ARHGAP32: variants seen among roughly 807,000 people sequenced by gnomAD.
The protein encoded by ARHGAP32 is Rho GTPase activating protein 32.
Under a neutral mutation model 186.5 loss-of-function variants are expected in ARHGAP32, and 51 were observed. The observed-to-expected ratio is 0.27, with a 90% CI of 0.22 to 0.35. ARHGAP32 has a LOEUF of 0.35. ARHGAP32 is among the 10% of genes least tolerant of loss of function. The pLI is 1.00. For missense variants in ARHGAP32, 2,186 were observed against 2,623.5 expected (o/e 0.83, Z 3.64); for synonymous variants, 950 against 964.3 (o/e 0.99, Z 0.27).
At chr11:129,201,124 A>C (rs1483923573) in intron 1 of ARHGAP32, among the ~76,000 whole-genome samples, 2 of 152,184 alleles carry the variant, frequency 1.3e-5, no homozygotes, top group African/African-American at 4.8e-5. Flanking sequence ...TCAGATCATA[A>C]GACAATTCAA....
intron 2 of ARHGAP32, among the ~76,000 whole-genome samples, chr11:129,133,742 C>T (rs1443761066): frequency 2.0e-5 from 3 of 152,100 alleles, no homozygotes; most frequent in Non-Finnish European, 2.9e-5. Context: ...AGTAGATAGG[C>T]TCTAAAAGAA....
intron 1 of ARHGAP32, among the ~76,000 whole-genome samples, chr11:129,268,994 G>A (rs1383395543): frequency 6.6e-6 from 1 of 152,164 alleles, no homozygotes; most frequent in Non-Finnish European, 1.5e-5. Flanking sequence ...CACATGGCCG[G>A]GCACAGTGGC....
At chr11:129,251,752 C>T (rs930054151) in intron 1 of ARHGAP32, among the ~76,000 whole-genome samples, 3 of 145,058 alleles carry the variant, frequency 2.1e-5, no homozygotes, top group African/African-American at 7.7e-5. Context: ...GGTGAAACCC[C>T]GACTCTATTA....
chr11:129,078,644 C>A (rs1941122233), intron 6 of ARHGAP32, among the ~76,000 whole-genome samples: 1 of 152,084 alleles, frequency 6.6e-6, no homozygotes, highest in Non-Finnish European at 1.5e-5. Flanking sequence ...AGGCATACAC[C>A]ACCACGCGTG....
intron 5 of ARHGAP32, among the ~76,000 whole-genome samples, chr11:129,117,350 G>C (rs1373779423): frequency 1.3e-5 from 2 of 152,046 alleles, no homozygotes; most frequent in African/African-American, 4.8e-5. Flanking sequence ...GCCTGGCTCA[G>C]ACAAAACATT....
In ARHGAP32 at chr11:128,969,386, C is replaced by A. The variant is rs1298288482; in HGVS notation, c.5827G>T (p.Ala1943Ser). Residue 1943 changes from alanine (A) to serine (S), a missense_variant, in exon 23 of 23, where the codon GCA becomes TCA. Ala to Ser is a moderately conservative substitution (Grantham distance 99). Around this residue, in one of 5 missense-constraint regions of ARHGAP32, gnomAD observed 1,502 missense variants for 1,570.0 expected, o/e 0.96. Transcript: ENST00000682385. The surrounding 1 kb of genome is among the most constrained non-coding windows in gnomAD (Gnocchi z 4.8). ...SYHNSGVKYA[A>S]SGQESLRLNH... The stretch of plus-strand genomic sequence containing the variant: ...AGTCTTAAAGATTCTTGCCCGGATG[C>A]AGCATATTTTACTCCAGAGTTGTGG... The A allele has an allele frequency of 1.2e-6, 2 of 1,614,200 alleles. No individual in the cohort carries two copies. Among genetic ancestry groups the A allele is most frequent in the Admixed American group, 3.3e-5 (2 of 60,028 alleles).
intron 1 of ARHGAP32, among the ~76,000 whole-genome samples, chr11:129,269,815 A>C (rs1362211683): frequency 6.6e-6 from 1 of 152,348 alleles, no homozygotes. Flanking sequence ...AAACAATGTC[A>C]TATACCACAC....
intron 1 of ARHGAP32, among the ~76,000 whole-genome samples, chr11:129,199,925 G>A (rs1591693063): frequency 6.6e-6 from 1 of 152,232 alleles, no homozygotes; most frequent in African/African-American, 2.4e-5. Context: ...CCAAGACCAT[G>A]GGAACCGACC....
intron 6 of ARHGAP32, among the ~76,000 whole-genome samples, chr11:129,071,949 A>G (rs1940882518): frequency 6.6e-6 from 1 of 152,196 alleles, no homozygotes; most frequent in Non-Finnish European, 1.5e-5. Flanking sequence ...CAATAAAATA[A>G]GCCTGGCAAA....
At chr11:129,255,115 A>G (rs1387751552) in intron 1 of ARHGAP32, among the ~76,000 whole-genome samples, 1 of 152,168 alleles carries the variant, frequency 6.6e-6, no homozygotes, top group African/African-American at 2.4e-5. Context: ...AGCTGGATAC[A>G]TTAAAACTAA....
intron 20 of ARHGAP32, among the ~76,000 whole-genome samples, chr11:128,975,513 A>G (rs192378831): frequency 9.5e-4 from 145 of 152,318 alleles, no homozygotes; most frequent in African/African-American, 3.4e-3. Flanking sequence ...ATAATCCCAT[A>G]AAGTATTTAC....
At chr11:129,017,967 T>A (rs887448794) in intron 11 of ARHGAP32, among the ~76,000 whole-genome samples, 1 of 152,190 alleles carries the variant, frequency 6.6e-6, no homozygotes, top group Non-Finnish European at 1.5e-5. Flanking sequence ...TGTTTAAGTT[T>A]TGAATGAGGT....
intron 15 of ARHGAP32, among the ~76,000 whole-genome samples, chr11:128,982,948 C>T (rs1945753185): frequency 7.0e-6 from 1 of 143,542 alleles, no homozygotes. Flanking sequence ...AAATATAAGG[C>T]TGTATTATAT....
chr11:129,046,960 T>TA (rs1017334598), intron 10 of ARHGAP32, among the ~76,000 whole-genome samples: 65 of 150,258 alleles, frequency 4.3e-4, no homozygotes, highest in African/African-American at 1.4e-3. Flanking sequence ...CCGTCTCTAC[T>TA]AAAAAAAAAT....
chr11:129,153,702 G>T (rs1390097501), intron 2 of ARHGAP32, among the ~76,000 whole-genome samples: 5 of 152,144 alleles, frequency 3.3e-5, no homozygotes, highest in African/African-American at 1.2e-4. Context: ...AATGAAACTG[G>T]ATCCTCATCT....
intron 5 of ARHGAP32, among the ~76,000 whole-genome samples, chr11:129,119,766 G>A (rs1439806213): frequency 1.3e-5 from 2 of 151,946 alleles, no homozygotes; most frequent in African/African-American, 4.8e-5. Context: ...TAAAAGAGGA[G>A]GTAGCAAGGT....
At chr11:128,989,385 T>G (rs1309878067) in intron 12 of ARHGAP32, among the ~76,000 whole-genome samples, 1 of 152,128 alleles carries the variant, frequency 6.6e-6, no homozygotes, top group Non-Finnish European at 1.5e-5. Context: ...TCCCAATTTT[T>G]ACAGAGAAGA....
At chr11:128,973,463 T>G (rs1945453727) in intron 21 of ARHGAP32, 31 bp from the exon 22 acceptor site, 1 of 1,605,262 alleles carries the variant, frequency 6.2e-7, no homozygotes. Flanking sequence ...AAAATGAGAG[T>G]GAAAAGGTAG....
chr11:129,002,962 C>G (rs1444020154), intron 11 of ARHGAP32, among the ~76,000 whole-genome samples: 1 of 150,882 alleles, frequency 6.6e-6, no homozygotes, highest in East Asian at 1.9e-4. Flanking sequence ...GCACCCGCCA[C>G]TACGCCCGGC....
Sources: allele counts gnomAD v4.1 joint callset (sites outside exome capture counted in the v4.1 genomes callset), GRCh38; gene constraint gnomAD v4.1.1; regional missense constraint gnomAD v4.1.1; non-coding constraint Gnocchi (gnomAD v3.1); transcripts MANE v1.5; gene names NCBI Gene and HGNC (gene_info 2026-07-23, HGNC 2026-07-21).